Variants in IPO11 observed in about 807,000 individuals in gnomAD.
IPO11 encodes the protein importin 11.
IPO11 carries 66 observed loss-of-function variants against 143.2 expected under a neutral mutation model. That is an observed-to-expected ratio of 0.46 (90% confidence interval 0.38 to 0.57). IPO11 has a LOEUF of 0.57. Ranked by LOEUF, IPO11 falls within the 20% of genes least tolerant of loss-of-function variation. The pLI, the probability that IPO11 is intolerant of heterozygous loss-of-function variation, is 0.00. For synonymous variants in IPO11, 385 were observed against 377.8 expected (o/e 1.02, Z -0.22); for missense variants, 1,026 against 1,141.0 (o/e 0.90, Z 1.45).
At chr5:62,420,975 A>G (rs565188045) in intron 1 of IPO11, among the ~76,000 whole-genome samples, 1 of 152,348 alleles carries the variant, frequency 6.6e-6, no homozygotes, top group African/African-American at 2.4e-5. Flanking sequence ...AAGTTGTATT[A>G]ATAGATATTC....
intron 26 of IPO11, among the ~76,000 whole-genome samples, chr5:62,559,935 AAAAAAAAG>A (rs1375463942): frequency 2.3e-4 from 32 of 141,946 alleles, no homozygotes; most frequent in Admixed American, 6.4e-4. Flanking sequence ...AAAAAAAAAA[AAAAAAAAG>A]AGAGAGAAAA....
chr5:62,583,850 C>T (rs989944790), intron 27 of IPO11, among the ~76,000 whole-genome samples: 9 of 152,140 alleles, frequency 5.9e-5, no homozygotes, highest in Non-Finnish European at 1.3e-4. Flanking sequence ...GCTAAGGAAG[C>T]TCACCTTTCT....
intron 29 of IPO11, among the ~76,000 whole-genome samples, chr5:62,623,342 C>T (rs191035736): frequency 2.8e-4 from 43 of 152,272 alleles, no homozygotes; most frequent in Admixed American, 1.0e-3. Context: ...AAATGTTCTA[C>T]ATTTCTAAGT....
intron 16 of IPO11, among the ~76,000 whole-genome samples, chr5:62,501,556 T>C (rs1051490992): frequency 5.9e-5 from 9 of 152,210 alleles, no homozygotes; most frequent in African/African-American, 2.2e-4. Context: ...ATTTTTATTT[T>C]ATCTCTGGTC....
At chr5:62,550,073 A>T (rs1232710649) in intron 24 of IPO11, among the ~76,000 whole-genome samples, 2 of 152,214 alleles carry the variant, frequency 1.3e-5, no homozygotes, top group Non-Finnish European at 2.9e-5. Flanking sequence ...TTGCAAGGGT[A>T]AGAATTACAT....
intron 27 of IPO11, chr5:62,581,138 T>A: frequency 6.4e-7 from 1 of 1,550,722 alleles, no homozygotes; most frequent in Non-Finnish European, 8.7e-7. Flanking sequence ...GAAAATAGAC[T>A]TGAATACTAC....
intron 19 of IPO11, among the ~76,000 whole-genome samples, chr5:62,508,022 G>T (rs1390627829): frequency 6.6e-6 from 1 of 151,822 alleles, no homozygotes; most frequent in African/African-American, 2.4e-5. Flanking sequence ...CTTAACCTCT[G>T]ATCAACCCTA....
In IPO11 at chr5:62,534,471, A is replaced by G. The variant is rs181291959; in HGVS notation, c.2090-2231A>G. Among the ~76,000 whole-genome samples the G allele has an allele frequency of 1.3e-3, 197 of 152,348 alleles. 1 individual carries two copies. The highest frequency in any genetic ancestry group is 0.012 in the Admixed American group (190 of 15,304). ...TATATGTAAAATACAAATTAAATATAGGAGCAAAATTATAAATAAAAGCAA... is the reference window on the plus strand; with the variant it reads ...TATATGTAAAATACAAATTAAATATGGGAGCAAAATTATAAATAAAAGCAA... On this transcript the variant is annotated intron_variant, in intron 22 of 29. Transcript: ENST00000325324.
chr5:62,452,210 A>C (rs1744958053), intron 5 of IPO11, among the ~76,000 whole-genome samples: 1 of 144,886 alleles, frequency 6.9e-6, no homozygotes, highest in African/African-American at 2.9e-5. Flanking sequence ...GTGTCACTGC[A>C]CTCCAGCCTG....
chr5:62,435,210 G>GTATATATA (rs769669064), intron 1 of IPO11, among the ~76,000 whole-genome samples: 16,454 of 91,340 alleles, frequency 0.18, 2,724 homozygotes, highest in Middle Eastern at 0.26. Flanking sequence ...GTATATATAT[G>GTATATATA]TGTATATATA....
At chr5:62,599,723 G>A (rs1206122985) in intron 28 of IPO11, among the ~76,000 whole-genome samples, 2 of 152,124 alleles carry the variant, frequency 1.3e-5, no homozygotes, top group African/African-American at 4.8e-5. Context: ...TTATATTCAC[G>A]TTAGTCATTC....
intron 26 of IPO11, among the ~76,000 whole-genome samples, chr5:62,555,948 C>T (rs887293881): frequency 4.6e-5 from 7 of 151,646 alleles, no homozygotes; most frequent in Non-Finnish European, 8.8e-5. Context: ...CTGTGCCCAG[C>T]CACCTTCAGT....
chr5:62,470,115 A>G (rs1190111916), intron 6 of IPO11, 135 bp from the exon 7 acceptor site: 9 of 742,032 alleles, frequency 1.2e-5, no homozygotes, highest in South Asian at 9.7e-5. Flanking sequence ...TTCCCAGCCA[A>G]ATGACCAGGA....
chr5:62,468,112 T>C (rs1457450777), intron 6 of IPO11, among the ~76,000 whole-genome samples: 1 of 152,128 alleles, frequency 6.6e-6, no homozygotes, highest in Non-Finnish European at 1.5e-5. Flanking sequence ...TGCACCAGGC[T>C]GATTTTTACA....
At chr5:62,420,753 G>GT (rs1430681334) in intron 1 of IPO11, among the ~76,000 whole-genome samples, 1 of 151,762 alleles carries the variant, frequency 6.6e-6, no homozygotes, top group Non-Finnish European at 1.5e-5. Flanking sequence ...CTAACTTTTT[G>GT]TTTTTTTAGT....
chr5:62,415,464 CTTTTTT>C (rs67290766), intron 1 of IPO11, among the ~76,000 whole-genome samples: 1 of 101,280 alleles, frequency 9.9e-6, no homozygotes, highest in South Asian at 3.2e-4. Context: ...CCCGTCTTTA[CTTTTTT>C]TTTTTTTTTT....
At chr5:62,558,184 T>A (rs1743640681) in intron 26 of IPO11, among the ~76,000 whole-genome samples, 1 of 152,218 alleles carries the variant, frequency 6.6e-6, no homozygotes, top group Admixed American at 6.5e-5. Context: ...CTTTAATAAG[T>A]GTTATAATGA....
intron 16 of IPO11, among the ~76,000 whole-genome samples, chr5:62,498,224 CTTA>C (rs1259771785): frequency 1.4e-4 from 22 of 151,950 alleles, no homozygotes; most frequent in African/African-American, 4.8e-4. Context: ...CCTTTTTAAA[CTTA>C]TTGTTAACAG....
chr5:62,573,086 G>A (rs1467251530), intron 27 of IPO11, among the ~76,000 whole-genome samples: 5 of 151,922 alleles, frequency 3.3e-5, no homozygotes, highest in South Asian at 2.1e-4. Context: ...TCACACTGTC[G>A]CCCAGGCTGG....
Sources: gnomAD v4.1 joint callset for allele counts (sites outside exome capture counted in the v4.1 genomes callset) on GRCh38, gnomAD v4.1.1 for gene constraint, MANE v1.5 for transcripts, NCBI Gene and HGNC (gene_info 2026-07-23, HGNC 2026-07-21) for gene names.